The following GRM8 variants were observed in gnomAD, a reference collection of about 807,000 sequenced individuals.
GRM8 encodes glutamate metabotropic receptor 8, also known as metabotropic glutamate receptor 8.
A neutral mutation model predicts 87.2 loss-of-function variants in GRM8; 47 were observed. The ratio of observed to expected loss-of-function variants is 0.54; its 90% confidence interval spans 0.43 to 0.69. The LOEUF is 0.69. Ranked by LOEUF, GRM8 falls within the 30% of genes least tolerant of loss-of-function variation. The pLI, the probability that GRM8 is intolerant of heterozygous loss-of-function variation, is 0.00. For missense variants in GRM8, 1,019 were observed against 1,139.2 expected, an observed-to-expected ratio of 0.89 and a Z score of 1.52; for synonymous variants, 396 against 404.5, an observed-to-expected ratio of 0.98 and a Z score of 0.25.
chr7:127,056,535 T>C (rs558404804), intron 3 of GRM8, among the ~76,000 whole-genome samples: 1 of 152,264 alleles, frequency 6.6e-6, no homozygotes, highest in South Asian at 2.1e-4. Context: ...CCCCACAGAT[T>C]ATGCAGGTGG....
In GRM8 at chr7:126,682,923, C is replaced by G. The variant is rs370343288; in HGVS notation, c.1358-73425G>C. Among the ~76,000 whole-genome samples the G allele has an allele frequency of 3.9e-5, 6 of 152,256 alleles. No individual in the cohort carries two copies. The East Asian group carries it at 5.8e-4, about 15-fold the overall frequency. On this transcript the variant is annotated intron_variant, in intron 7 of 10. Transcript: ENST00000339582. ...AATTAGCTGGGCATAGTGGCACGCC[C>G]CTGTAGTCCCAGATGCTCTGGAGGC...
chr7:126,886,595 G>A (rs1800523307), intron 6 of GRM8, among the ~76,000 whole-genome samples: 1 of 151,990 alleles, frequency 6.6e-6, no homozygotes, highest in Non-Finnish European at 1.5e-5. Flanking sequence ...TTCTGAACAG[G>A]CTACATAAAT....
At chr7:126,900,419 A>G (rs1176289770) in intron 6 of GRM8, among the ~76,000 whole-genome samples, 2 of 152,082 alleles carry the variant, frequency 1.3e-5, no homozygotes, top group Non-Finnish European at 2.9e-5. Context: ...TAAACACAAC[A>G]CTATGTAGCG....
chr7:127,225,539 G>T (rs1397931497), intron 2 of GRM8, among the ~76,000 whole-genome samples: 2 of 151,588 alleles, frequency 1.3e-5, no homozygotes, highest in Non-Finnish European at 2.9e-5. Context: ...GATGCAGCTA[G>T]GTCAGGGGGA....
At chr7:126,845,113 A>G (rs565635605) in intron 6 of GRM8, among the ~76,000 whole-genome samples, 25 of 152,330 alleles carry the variant, frequency 1.6e-4, no homozygotes, top group African/African-American at 5.1e-4. Context: ...CAACAGAGGC[A>G]TGGAGGTTGG....
intron 2 of GRM8, among the ~76,000 whole-genome samples, chr7:127,177,690 C>A (rs1488531966): frequency 6.6e-6 from 1 of 152,162 alleles, no homozygotes; most frequent in Non-Finnish European, 1.5e-5. Context: ...TGCAGACAAC[C>A]CCCAGTACCA....
intron 2 of GRM8, among the ~76,000 whole-genome samples, chr7:127,149,648 C>G (rs929286669): frequency 2.0e-5 from 3 of 152,194 alleles, no homozygotes; most frequent in Admixed American, 6.5e-5. Context: ...ACAGCCAAGA[C>G]AGGGAAACAA....
chr7:126,680,209 G>A (rs2151329660), intron 7 of GRM8, among the ~76,000 whole-genome samples: 1 of 152,244 alleles, frequency 6.6e-6, no homozygotes, highest in South Asian at 2.1e-4. Context: ...CACGAACTAT[G>A]AGATTATGAA....
chr7:126,964,576 C>T (rs1809655877), intron 3 of GRM8, among the ~76,000 whole-genome samples: 1 of 152,148 alleles, frequency 6.6e-6, no homozygotes, highest in African/African-American at 2.4e-5. Context: ...CATCACTGGT[C>T]ATTAGAGAAA....
At chr7:126,966,960 C>T (rs1809934301) in intron 3 of GRM8, among the ~76,000 whole-genome samples, 1 of 152,192 alleles carries the variant, frequency 6.6e-6, no homozygotes, top group Non-Finnish European at 1.5e-5. Context: ...CTTTGTAATA[C>T]AATATTGTAA....
intron 3 of GRM8, among the ~76,000 whole-genome samples, chr7:127,062,946 A>T (rs541000724): frequency 1.3e-5 from 2 of 151,864 alleles, no homozygotes; most frequent in South Asian, 2.1e-4. Context: ...TATTTTATTA[A>T]TTTTTTTCCC....
intron 3 of GRM8, among the ~76,000 whole-genome samples, chr7:127,068,668 G>A (rs1821374015): frequency 6.6e-6 from 1 of 152,200 alleles, no homozygotes; most frequent in Non-Finnish European, 1.5e-5. Flanking sequence ...GGAGTATTCA[G>A]TTAAAGCTTT....
At chr7:127,126,975 C>T (rs1255640444) in intron 2 of GRM8, among the ~76,000 whole-genome samples, 1 of 151,682 alleles carries the variant, frequency 6.6e-6, no homozygotes, top group African/African-American at 2.4e-5. Context: ...TAAAAAGATG[C>T]TAAATCATAT....
At chr7:126,694,599 G>A (rs1809180279) in intron 7 of GRM8, among the ~76,000 whole-genome samples, 1 of 151,980 alleles carries the variant, frequency 6.6e-6, no homozygotes, top group African/African-American at 2.4e-5. Context: ...CCTTATAACT[G>A]TTATACATAT....
At chr7:126,650,879 T>G (rs1001449998) in intron 7 of GRM8, among the ~76,000 whole-genome samples, 1 of 152,058 alleles carries the variant, frequency 6.6e-6, no homozygotes, top group Non-Finnish European at 1.5e-5. Context: ...AGGTTACGCA[T>G]GGGCTCAGCA....
chr7:126,662,606 A>C (rs1377648709), intron 7 of GRM8, among the ~76,000 whole-genome samples: 1 of 152,254 alleles, frequency 6.6e-6, no homozygotes, highest in South Asian at 2.1e-4. Flanking sequence ...TTTCATGAGG[A>C]TTTGTGCAAA....
intron 7 of GRM8, among the ~76,000 whole-genome samples, chr7:126,722,129 G>A (rs1453748294): frequency 5.3e-5 from 8 of 152,086 alleles, no homozygotes; most frequent in South Asian, 2.1e-4. Flanking sequence ...CCTCCTGGGC[G>A]TCATAAAAAT....
intron 8 of GRM8, among the ~76,000 whole-genome samples, chr7:126,554,332 C>T (rs1268687948): frequency 6.6e-6 from 1 of 151,902 alleles, no homozygotes; most frequent in Non-Finnish European, 1.5e-5. Context: ...GTAATCCCAG[C>T]ACTTTGGGAG....
intron 6 of GRM8, among the ~76,000 whole-genome samples, chr7:126,871,931 T>G (rs1312908928): frequency 1.3e-5 from 2 of 152,188 alleles, no homozygotes; most frequent in African/African-American, 4.8e-5. Flanking sequence ...TAAAATACTT[T>G]TAATATATAT....
Sources: allele counts gnomAD v4.1 joint callset (sites outside exome capture counted in the v4.1 genomes callset), GRCh38; gene constraint gnomAD v4.1.1; transcripts MANE v1.5; gene names NCBI Gene and HGNC (gene_info 2026-07-23, HGNC 2026-07-21).